The following ARHGAP10 variants were observed in gnomAD, a reference collection of about 807,000 sequenced individuals.
ARHGAP10 encodes the protein rho GTPase-activating protein 10.
Under a neutral mutation model 108.6 loss-of-function variants are expected in ARHGAP10, and 87 were observed. The ratio of observed to expected loss-of-function variants is 0.80; its 90% CI spans 0.67 to 0.96. The LOEUF is 0.96. Ranked by LOEUF, ARHGAP10 falls within the 40% of genes least tolerant of loss-of-function variation. ARHGAP10 has a pLI of 0.00. For missense variants in ARHGAP10, 939 were observed against 954.5 expected (o/e 0.98, Z 0.21); for synonymous variants, 347 against 341.1 (o/e 1.02, Z -0.19).
At chr4:147,956,289 C>G (rs1738781499) in intron 16 of ARHGAP10, among the ~76,000 whole-genome samples, 1 of 152,116 alleles carries the variant, frequency 6.6e-6, no homozygotes, top group African/African-American at 2.4e-5. Flanking sequence ...CCCTTTGGGA[C>G]CAATGTTACC....
At chr4:147,949,707 T>G (rs1005776365) in intron 15 of ARHGAP10, among the ~76,000 whole-genome samples, 1 of 152,236 alleles carries the variant, frequency 6.6e-6, no homozygotes, top group Admixed American at 6.5e-5. Context: ...ACTGCCACTC[T>G]AGGAGATAGC....
At position 147,944,342 on chromosome 4, in the gene ARHGAP10, T is replaced by C. The variant is rs143728153; in HGVS notation, c.1304-2275T>C. On this transcript the variant is annotated intron_variant, in intron 14 of 22. Transcript: ENST00000336498. ...TGTAATCAGTGTCAATTGCCATTGT[T>C]GTAGTTTATTGCATATTGCTGTCAG... Among the ~76,000 whole-genome samples, 479 of 152,354 alleles carry C rather than the reference T, an allele frequency of 3.1e-3. 5 individuals are homozygous for C. The highest frequency in any genetic ancestry group is 0.011 in the African/African-American group (452 of 41,588).
chr4:148,009,821 G>A (rs1741101373), intron 18 of ARHGAP10, among the ~76,000 whole-genome samples: 1 of 152,104 alleles, frequency 6.6e-6, no homozygotes, highest in Non-Finnish European at 1.5e-5. Flanking sequence ...GTTTGAAATT[G>A]CCTTTGGCCC....
At chr4:147,911,508 G>A (rs901409645) in intron 12 of ARHGAP10, among the ~76,000 whole-genome samples, 4 of 152,126 alleles carry the variant, frequency 2.6e-5, no homozygotes, top group Non-Finnish European at 5.9e-5. Context: ...GACTACAGGT[G>A]CCCACCATCA....
intron 1 of ARHGAP10, among the ~76,000 whole-genome samples, chr4:147,779,625 T>G (rs540253564): frequency 2.0e-5 from 3 of 152,224 alleles, no homozygotes; most frequent in South Asian, 4.2e-4. Context: ...TCCTTCAGTT[T>G]GGGAGTCTGG....
chr4:147,922,460 C>T (rs200833731), intron 13 of ARHGAP10, among the ~76,000 whole-genome samples: 1 of 151,290 alleles, frequency 6.6e-6, no homozygotes, highest in Non-Finnish European at 1.5e-5. Flanking sequence ...GAGGCCGAGG[C>T]GGGCGGATCA....
chr4:147,889,140 A>AGCAACTGTCAGTCAACTATCCTTTTT (rs1221538288), intron 10 of ARHGAP10, among the ~76,000 whole-genome samples: 1 of 152,224 alleles, frequency 6.6e-6, no homozygotes, highest in Non-Finnish European at 1.5e-5. Context: ...GATTCAATCA[A>AGCAACTGTCAGTCAACTATCCTTTTT]GCAACTGTCA....
intron 10 of ARHGAP10, among the ~76,000 whole-genome samples, chr4:147,894,878 CTT>C (rs1328854306): frequency 2.6e-5 from 4 of 152,178 alleles, no homozygotes; most frequent in African/African-American, 9.6e-5. Flanking sequence ...TGTTGCATCT[CTT>C]TGTCTGTTCT....
intron 20 of ARHGAP10, among the ~76,000 whole-genome samples, chr4:148,053,780 TAC>T (rs1213446259): frequency 6.6e-6 from 1 of 152,220 alleles, no homozygotes; most frequent in East Asian, 1.9e-4. Flanking sequence ...CATGCTTCGA[TAC>T]ACATCCATTG....
At chr4:147,834,389 A>C (rs1227914429) in intron 3 of ARHGAP10, among the ~76,000 whole-genome samples, 1 of 152,118 alleles carries the variant, frequency 6.6e-6, no homozygotes, top group Non-Finnish European at 1.5e-5. Flanking sequence ...GGATTGCTTG[A>C]GCCTGGGAGG....
intron 15 of ARHGAP10, among the ~76,000 whole-genome samples, chr4:147,951,009 T>C (rs1228986684): frequency 6.6e-6 from 1 of 152,110 alleles, no homozygotes; most frequent in African/African-American, 2.4e-5. Context: ...CTCAAAAACA[T>C]GTCGGGTGGG....
Position 147,857,654 on chromosome 4 carries a change from G to A in ARHGAP10, c.486G>A (p.Glu162=). Residue 162 remains glutamate, a splice_region_variant and synonymous_variant, in exon 5 of 23, where the codon GAG becomes GAA. Coordinates refer to ENST00000336498, the MANE Select transcript of ARHGAP10 (RefSeq NM_024605.4). ...SAKKKDSHLQ[E]ADIQVEQNRQ... ...AAAAGAAAGACTCACATTTACAAGAGGTATAATTTTTTATTTTTCTGTTAC... is the reference window on the plus strand; with the variant it reads ...AAAAGAAAGACTCACATTTACAAGAAGTATAATTTTTTATTTTTCTGTTAC... 6.9e-7 allele frequency: 1 copy of A among 1,450,602 alleles called. No individual in the cohort carries two copies. The highest frequency in any genetic ancestry group is 9.1e-7 in the Non-Finnish European group (1 of 1,099,898). The allele number at this position is 1,450,602 out of a possible 1,614,324, so 89.9% of individuals were successfully genotyped here.
At chr4:147,735,427 G>A (rs1473130287) in intron 1 of ARHGAP10, among the ~76,000 whole-genome samples, 1 of 152,206 alleles carries the variant, frequency 6.6e-6, no homozygotes, top group East Asian at 1.9e-4. Context: ...TGGTGATAAG[G>A]AGTAGAACCT....
At chr4:147,891,779 G>A (rs764471534) in intron 10 of ARHGAP10, among the ~76,000 whole-genome samples, 6 of 152,114 alleles carry the variant, frequency 3.9e-5, no homozygotes, top group Non-Finnish European at 8.8e-5. Flanking sequence ...ATTTTTTTAG[G>A]TTGGAGACAT....
chr4:148,032,589 G>T (rs1294674267), intron 19 of ARHGAP10, among the ~76,000 whole-genome samples: 1 of 152,076 alleles, frequency 6.6e-6, no homozygotes, highest in Non-Finnish European at 1.5e-5. Flanking sequence ...GTATTAGGGT[G>T]CTCTAAAGAG....
At chr4:147,743,187 C>G (rs1471723886) in intron 1 of ARHGAP10, among the ~76,000 whole-genome samples, 2 of 151,836 alleles carry the variant, frequency 1.3e-5, no homozygotes, top group Non-Finnish European at 2.9e-5. Flanking sequence ...GCGTGCACCA[C>G]CATGCCTGGC....
At chr4:147,889,541 C>T (rs1735705303) in intron 10 of ARHGAP10, among the ~76,000 whole-genome samples, 1 of 152,172 alleles carries the variant, frequency 6.6e-6, no homozygotes. Context: ...CTCAGGTGAT[C>T]TGCCTGCCTC....
At chr4:147,884,416 C>T (rs1458109416) in intron 10 of ARHGAP10, among the ~76,000 whole-genome samples, 1 of 152,102 alleles carries the variant, frequency 6.6e-6, no homozygotes, top group Non-Finnish European at 1.5e-5. Flanking sequence ...TAGGGAGACT[C>T]TCTTTTCAAA....
chr4:147,916,995 T>G (rs1005997782), intron 13 of ARHGAP10: 1 of 152,190 alleles, frequency 6.6e-6, no homozygotes, highest in Non-Finnish European at 1.5e-5. Flanking sequence ...TGTTTGAATC[T>G]CTCAGCGTAT....
Sources: gnomAD v4.1 joint callset for allele counts (sites outside exome capture counted in the v4.1 genomes callset) on GRCh38, gnomAD v4.1.1 for gene constraint, MANE v1.5 for transcripts, NCBI Gene and HGNC (gene_info 2026-07-23, HGNC 2026-07-21) for gene names.